The following YES1 variants were observed in gnomAD, a reference collection of about 807,000 sequenced individuals.
YES1 encodes the protein YES proto-oncogene 1, Src family tyrosine kinase.
In YES1, 39 loss-of-function variants were observed where a neutral mutation model predicts 70.4. That is an observed-to-expected ratio of 0.55 (90% CI 0.43 to 0.72). The LOEUF (loss-of-function observed/expected upper bound fraction) is 0.72, where lower values mean the gene tolerates loss of function less well. YES1 is among the 30% of genes least tolerant of loss of function. The pLI is 0.00. For synonymous variants in YES1, 198 were observed against 218.6 expected, an observed-to-expected ratio of 0.91 and a Z score of 0.83; for missense variants, 495 against 644.8, an observed-to-expected ratio of 0.77 and a Z score of 2.52.
chr18:810,099 C>T (rs796353352), intron 1 of YES1, among the ~76,000 whole-genome samples: 1 of 151,438 alleles, frequency 6.6e-6, no homozygotes, highest in African/African-American at 2.4e-5. Context: ...TTCTTTCTTA[C>T]TATAATGCTA....
chr18:812,327 G>GCC (rs10617278), upstream of YES1: 163 of 144,994 alleles, frequency 1.1e-3, 1 homozygote, highest in Middle Eastern at 3.8e-3. Flanking sequence ...CACCTCCTCC[G>GCC]CCCCCCCCCC....
In YES1 at chr18:756,655, G is replaced by A. The variant is rs747014698; in HGVS notation, c.173C>T (p.Ser58Phe). 1 of 1,614,170 alleles carries A rather than the reference G, an allele frequency of 6.2e-7. No homozygotes were observed. Among genetic ancestry groups the A allele is most frequent in the Non-Finnish European group, 8.5e-7 (1 of 1,180,040 alleles). ...KGTAVNFSSL[S>F]MTPFGGSSGV... ...TGAGGATCCTCCAAATGGTGTCATGGAAAGACTGCTGAAATTAACTGCTGT... is the reference window on the plus strand; with the variant it reads ...TGAGGATCCTCCAAATGGTGTCATGAAAAGACTGCTGAAATTAACTGCTGT... The change falls in exon 2 of 12, where the codon TCC (serine) becomes TTC (phenylalanine). Residue 58 changes from serine (S) to phenylalanine (F), a missense_variant. Transcript: ENST00000314574.
intron 1 of YES1, among the ~76,000 whole-genome samples, chr18:802,357 C>T (rs554763345): frequency 7.3e-4 from 111 of 152,162 alleles, no homozygotes; most frequent in South Asian, 4.0e-3. Context: ...CACCTGAGGT[C>T]GGGAGTTCCA....
At chr18:773,889 T>C (rs1905260232) in intron 1 of YES1, among the ~76,000 whole-genome samples, 1 of 152,028 alleles carries the variant, frequency 6.6e-6, no homozygotes, top group Non-Finnish European at 1.5e-5. Context: ...TAGAGTGCAG[T>C]GGTGTGATCT....
Position 743,359 on chromosome 18 carries a change from G to C in YES1, c.781C>G (p.Gln261Glu). The stretch of plus-strand genomic sequence containing the variant: ...GCATCTTTTGCTAGACCTTGAGTCT[G>C]AGGTTTCACAGTTGGACACACAGTT... ...LTTVCPTVKPQTQGLAKDAWE... is the reference protein window; with the variant it reads ...LTTVCPTVKPETQGLAKDAWE... The change falls in exon 7 of 12, where the codon CAG (glutamine) becomes GAG (glutamate). Residue 261 changes from glutamine (Q) to glutamate (E), a missense_variant. This residue lies in a region of YES1 where 385 missense variants were observed against 540.9 expected (regional missense o/e 0.71). Coordinates refer to ENST00000314574, the MANE Select transcript of YES1 (RefSeq NM_005433.4). 4 of 1,612,946 alleles carry C rather than the reference G, an allele frequency of 2.5e-6. No individual in the cohort carries two copies. The highest frequency in any genetic ancestry group is 3.4e-6 in the Non-Finnish European group (4 of 1,179,998).
intron 1 of YES1, among the ~76,000 whole-genome samples, chr18:797,551 G>C (rs1426532408): frequency 1.3e-5 from 2 of 152,120 alleles, no homozygotes; most frequent in Non-Finnish European, 2.9e-5. Context: ...ACTAACACAA[G>C]AAAGTACCAC....
At chr18:765,606 G>A (rs1022493352) in intron 1 of YES1, among the ~76,000 whole-genome samples, 2 of 151,702 alleles carry the variant, frequency 1.3e-5, no homozygotes, top group African/African-American at 4.8e-5. Context: ...CACCTTATTG[G>A]CCAGTCTGGT....
At chr18:805,286 A>T (rs972836451) in intron 1 of YES1, among the ~76,000 whole-genome samples, 1 of 152,196 alleles carries the variant, frequency 6.6e-6, no homozygotes, top group African/African-American at 2.4e-5. Context: ...AGAATACTGC[A>T]GGCAACTGTA....
At chr18:746,410 T>C (rs1266356678) in intron 4 of YES1, among the ~76,000 whole-genome samples, 1 of 152,184 alleles carries the variant, frequency 6.6e-6, no homozygotes, top group Non-Finnish European at 1.5e-5. Context: ...GGTTCCCTGG[T>C]AACAGCATCA....
At chr18:757,480 GC>G (rs1904347085) in intron 1 of YES1, among the ~76,000 whole-genome samples, 1 of 147,604 alleles carries the variant, frequency 6.8e-6, no homozygotes, top group African/African-American at 2.5e-5. Context: ...TCCAGCCTGG[GC>G]GACAGAGCGA....
chr18:760,065 T>C (rs1904506719), intron 1 of YES1, among the ~76,000 whole-genome samples: 1 of 152,150 alleles, frequency 6.6e-6, no homozygotes, highest in Non-Finnish European at 1.5e-5. Flanking sequence ...CTGCATAGTA[T>C]TCCATGGTGT....
At position 808,580 on chromosome 18, in the gene YES1, A is replaced by C. The variant is rs1254160641; in HGVS notation, c.-9+3534T>G. On this transcript the variant is annotated intron_variant, in intron 1 of 11. Transcript: ENST00000314574. ...GTGACCTAAGCCATGTAGGGTTCTA[A>C]ACAATGGAAGATCTTACTAAAACTT... Among the ~76,000 whole-genome samples the C allele has an allele frequency of 3.3e-5, 5 of 152,230 alleles. No individual in the cohort carries two copies. In the East Asian group the frequency reaches 9.6e-4, roughly 29 times the overall value.
chr18:767,323 T>C (rs904407463), intron 1 of YES1, among the ~76,000 whole-genome samples: 2 of 152,112 alleles, frequency 1.3e-5, no homozygotes, highest in African/African-American at 4.8e-5. Flanking sequence ...CTCATTTTTG[T>C]ATTTTTTTGT....
chr18:745,881 A>C, intron 5 of YES1, 24 bp from the exon 6 acceptor site: 1 of 1,608,412 alleles, frequency 6.2e-7, no homozygotes, highest in Non-Finnish European at 8.5e-7. Context: ...AAATACTTTC[A>C]CTATATCTTT....
intron 10 of YES1, among the ~76,000 whole-genome samples, chr18:734,297 G>A (rs1328557690): frequency 6.8e-6 from 1 of 147,286 alleles, no homozygotes; most frequent in Non-Finnish European, 1.5e-5. Context: ...GCTCACGCCT[G>A]TATTCCCAGC....
chr18:808,671 CCT>C (rs1382356638), intron 1 of YES1, among the ~76,000 whole-genome samples: 2 of 152,132 alleles, frequency 1.3e-5, no homozygotes, highest in African/African-American at 4.8e-5. Context: ...ACTGAAAGTT[CCT>C]GTGATATAAA....
chr18:745,374 C>T (rs1034754401), intron 6 of YES1, among the ~76,000 whole-genome samples: 4 of 152,114 alleles, frequency 2.6e-5, no homozygotes, highest in African/African-American at 4.8e-5. Context: ...TTTTCTGTTA[C>T]CCAATGTTTA....
intron 1 of YES1, among the ~76,000 whole-genome samples, chr18:778,493 T>TA (rs895436031): frequency 1.2e-4 from 19 of 152,178 alleles, no homozygotes; most frequent in African/African-American, 3.4e-4. Context: ...CTGAACCTCT[T>TA]AAAAAATTAA....
At chr18:803,504 C>A (rs1210124637) in intron 1 of YES1, among the ~76,000 whole-genome samples, 1 of 152,172 alleles carries the variant, frequency 6.6e-6, no homozygotes. Flanking sequence ...TTGTTTATTA[C>A]CCCCAATCTT....
Sources: gnomAD v4.1 joint callset for allele counts (sites outside exome capture counted in the v4.1 genomes callset) on GRCh38, gnomAD v4.1.1 for gene constraint, gnomAD v4.1.1 regional missense constraint, MANE v1.5 for transcripts, NCBI Gene and HGNC (gene_info 2026-07-23, HGNC 2026-07-21) for gene names.